The following SLCO1A2 variants were observed in gnomAD, a reference collection of about 807,000 sequenced individuals.
SLCO1A2 encodes the protein solute carrier organic anion transporter family member 1A2.
SLCO1A2 carries 67 observed loss-of-function variants against 69.0 expected under a neutral mutation model. The ratio of observed to expected loss-of-function variants is 0.97; its 90% CI spans 0.80 to 1.19. The LOEUF is 1.19. Among genes scored for constraint, SLCO1A2 ranks in the 50% most tolerant of loss-of-function variants. SLCO1A2 has a pLI of 0.00. For synonymous variants in SLCO1A2, 260 were observed against 265.9 expected, an observed-to-expected ratio of 0.98 and a Z score of 0.22; for missense variants, 787 against 793.7, an observed-to-expected ratio of 0.99 and a Z score of 0.10.
intron 2 of SLCO1A2, among the ~76,000 whole-genome samples, chr12:21,320,109 C>A (rs1455588694): frequency 6.6e-6 from 1 of 152,122 alleles, no homozygotes; most frequent in African/African-American, 2.4e-5. Context: ...CCTGGGAGAC[C>A]ATTTGACCTA....
chr12:21,311,459 C>T (rs1198499703), intron 4 of SLCO1A2, among the ~76,000 whole-genome samples: 1 of 151,870 alleles, frequency 6.6e-6, no homozygotes, highest in East Asian at 1.9e-4. Context: ...GTGTGTCTTA[C>T]ATAATAAGAC....
At chr12:21,326,721 G>T (rs1210928702) in intron 2 of SLCO1A2, among the ~76,000 whole-genome samples, 1 of 152,174 alleles carries the variant, frequency 6.6e-6, no homozygotes, top group Non-Finnish European at 1.5e-5. Context: ...AAGGTATCTG[G>T]TGGAAGAAAT....
intron 12 of SLCO1A2, among the ~76,000 whole-genome samples, chr12:21,290,328 C>G (rs1177060539): frequency 2.6e-5 from 4 of 151,942 alleles, no homozygotes; most frequent in African/African-American, 9.7e-5. Context: ...GATCCACAGA[C>G]AGCAAAATAA....
intron 1 of SLCO1A2, among the ~76,000 whole-genome samples, chr12:21,375,998 A>C (rs1245307534): frequency 6.6e-6 from 1 of 152,214 alleles, no homozygotes; most frequent in Non-Finnish European, 1.5e-5. Context: ...ATAGAATCTT[A>C]TATATACTGA....
upstream of SLCO1A2, among the ~76,000 whole-genome samples, chr12:21,418,576 T>C (rs1337358830): frequency 6.6e-6 from 1 of 152,102 alleles, no homozygotes; most frequent in Non-Finnish European, 1.5e-5. Flanking sequence ...GAGAGCCAAG[T>C]GAAAGGGAAA....
chr12:21,297,990 TAAAG>T (rs1408894451), intron 8 of SLCO1A2, among the ~76,000 whole-genome samples: 2 of 152,190 alleles, frequency 1.3e-5, no homozygotes, highest in African/African-American at 4.8e-5. Flanking sequence ...ATCGAGTTGA[TAAAG>T]AAGATTTCAC....
intron 4 of SLCO1A2, 105 bp from the exon 5 acceptor site, chr12:21,307,093 A>C: frequency 1.5e-6 from 1 of 685,276 alleles, no homozygotes; most frequent in Non-Finnish European, 2.4e-6. Flanking sequence ...ACAATATCCA[A>C]ATCCAGTAAA....
chr12:21,400,087 G>A (rs1384896519), upstream of SLCO1A2, among the ~76,000 whole-genome samples: 1 of 151,752 alleles, frequency 6.6e-6, no homozygotes, highest in Non-Finnish European at 1.5e-5. Context: ...GAGTGAACAG[G>A]CAACCTACAA....
chr12:21,367,826 T>C (rs1939503242), intron 2 of SLCO1A2, among the ~76,000 whole-genome samples: 2 of 151,262 alleles, frequency 1.3e-5, no homozygotes, highest in Non-Finnish European at 3.0e-5. Context: ...ACAAAGGAAA[T>C]CAAAATACAT....
intron 2 of SLCO1A2, among the ~76,000 whole-genome samples, chr12:21,340,084 A>G (rs989706149): frequency 5.3e-5 from 8 of 152,044 alleles, no homozygotes; most frequent in Admixed American, 1.3e-4. Flanking sequence ...TAAGAAAAAA[A>G]TTCAGGAGAT....
chr12:21,387,121 T>G (rs2192173), intron 1 of SLCO1A2, among the ~76,000 whole-genome samples: 1 of 152,016 alleles, frequency 6.6e-6, no homozygotes, highest in Non-Finnish European at 1.5e-5. Context: ...GATTTAGGGT[T>G]TCTGGTGGAA....
intron 2 of SLCO1A2, among the ~76,000 whole-genome samples, chr12:21,326,843 G>C (rs576234580): frequency 5.9e-5 from 9 of 152,138 alleles, no homozygotes; most frequent in Non-Finnish European, 8.8e-5. Context: ...GGGAAGCAAA[G>C]CATGAAAGTT....
chr12:21,412,603 T>TC (rs1261953061), intron 1 of SLCO1A2, among the ~76,000 whole-genome samples: 1 of 152,182 alleles, frequency 6.6e-6, no homozygotes, highest in East Asian at 1.9e-4. Flanking sequence ...TTTCTTCACC[T>TC]TTGAAAGGTA....
Position 21,297,439 on chromosome 12 carries a change from T to C in SLCO1A2, c.1040A>G (p.Tyr347Cys). Residue 347 changes from tyrosine (Y) to cysteine (C), a missense_variant, in exon 9 of 15, where the codon TAT (tyrosine) becomes TGT (cysteine). Tyr to Cys is a radical substitution (Grantham distance 194). Transcript: ENST00000683939. ...GATTGCATCTGAAGATGATATTCCA[T>C]ATTGCTGTTCTAGGTATTTAGGCAT... Reference protein sequence around the residue: ...SFMPKYLEQQYGISSSDAIFL... With the variant: ...SFMPKYLEQQCGISSSDAIFL... The C allele has an allele frequency of 6.2e-7, 1 of 1,612,594 alleles. No individual in the cohort carries two copies. The highest frequency in any genetic ancestry group is 8.5e-7 in the Non-Finnish European group (1 of 1,178,994).
chr12:21,371,231 G>A (rs930530016), intron 2 of SLCO1A2, among the ~76,000 whole-genome samples: 1 of 152,088 alleles, frequency 6.6e-6, no homozygotes. Context: ...GCACACTAGG[G>A]GGCGTGTCTT....
intron 9 of SLCO1A2, among the ~76,000 whole-genome samples, 190 bp downstream of exon 9, chr12:21,297,202 TTTCCTTCTTTCC>T (rs201071522): frequency 0.027 from 4,023 of 150,384 alleles, 176 homozygotes; most frequent in African/African-American, 0.094. Context: ...CCTTTCTTTC[TTTCCTTCTTTCC>T]TTCCTTCTTT....
At chr12:21,330,970 T>C (rs911262987) in intron 2 of SLCO1A2, among the ~76,000 whole-genome samples, 1 of 152,192 alleles carries the variant, frequency 6.6e-6, no homozygotes, top group South Asian at 2.1e-4. Flanking sequence ...AAATTCATCA[T>C]GCAAGATTCT....
At chr12:21,362,321 ATAAAATGCTT>A (rs1439429944) in intron 2 of SLCO1A2, among the ~76,000 whole-genome samples, 1 of 152,192 alleles carries the variant, frequency 6.6e-6, no homozygotes, top group Non-Finnish European at 1.5e-5. Flanking sequence ...TGATGGAGAA[ATAAAATGCTT>A]TACAGACAAA....
intron 2 of SLCO1A2, among the ~76,000 whole-genome samples, chr12:21,342,921 C>T (rs1489641469): frequency 6.6e-6 from 1 of 151,976 alleles, no homozygotes; most frequent in Non-Finnish European, 1.5e-5. Context: ...GGACAGAGAG[C>T]AGCTCTAGGG....
Sources: gnomAD v4.1 joint callset for allele counts (sites outside exome capture counted in the v4.1 genomes callset) on GRCh38, gnomAD v4.1.1 for gene constraint, MANE v1.5 for transcripts, NCBI Gene and HGNC (gene_info 2026-07-23, HGNC 2026-07-21) for gene names.